The following PTPRK variants were observed in gnomAD, a reference collection of about 807,000 sequenced individuals.
The protein encoded by PTPRK is receptor-type tyrosine-protein phosphatase kappa.
Under a neutral mutation model 178.0 loss-of-function variants are expected in PTPRK, and 75 were observed. The ratio of observed to expected loss-of-function variants is 0.42; its 90% CI spans 0.35 to 0.51. PTPRK has a LOEUF of 0.51. PTPRK is among the 20% of genes least tolerant of loss of function. The probability of loss-of-function intolerance (pLI) is 0.02; values close to 1 mark genes in which losing one functional copy is unlikely to be tolerated. For missense variants in PTPRK, 1,441 were observed against 1,797.8 expected (o/e 0.80, Z 3.59); for synonymous variants, 637 against 620.6 (o/e 1.03, Z -0.39).
At chr6:128,432,038 A>C (rs535946850) in intron 1 of PTPRK, among the ~76,000 whole-genome samples, 1 of 152,320 alleles carries the variant, frequency 6.6e-6, no homozygotes, top group South Asian at 2.1e-4. Flanking sequence ...AGGAAGAGAA[A>C]AAGCACGGTT....
chr6:127,972,893 C>T lies in PTPRK; in HGVS notation c.4269+129G>A, dbSNP rs911898210. ...GATGCTCAGCAATGTATTAATTAGG[C>T]AGGAAAGTCCCCACAACGTCTCATT... On this transcript the variant is annotated intron_variant, in intron 29 of 29. Coordinates refer to ENST00000368226, the MANE Select transcript of PTPRK (RefSeq NM_002844.4). 3.9e-5 allele frequency: 34 copies of T among 873,986 alleles called. No homozygotes were observed. The East Asian group carries it at 8.6e-4, about 22-fold the overall frequency. 54.1% of individuals were successfully genotyped at this position (873,986 alleles called of 1,614,324 possible).
intron 3 of PTPRK, among the ~76,000 whole-genome samples, chr6:128,278,470 C>T (rs183457382): frequency 6.0e-4 from 91 of 152,154 alleles, no homozygotes; most frequent in Admixed American, 2.6e-3. Flanking sequence ...CTTAATATGT[C>T]TACATTTCAA....
rs546320409 is a variant in PTPRK at position 128,370,723 on chromosome 6, T to A, written c.223+26843A>T. Among the ~76,000 whole-genome samples, 8 of 152,292 alleles carry A rather than the reference T, an allele frequency of 5.3e-5. No individual in the cohort carries two copies. The South Asian group carries it at 1.7e-3, about 32-fold the overall frequency. On this transcript the variant is annotated intron_variant, in intron 2 of 29. Transcript: ENST00000368226. ...ATGTTTTAGACTTTTGTTATTACTA[T>A]TTTTAAAGTCAATTCATCTCACAAA...
intron 5 of PTPRK, chr6:128,235,434 T>C (rs542382265): frequency 3.7e-6 from 1 of 271,708 alleles, no homozygotes; most frequent in Admixed American, 5.2e-5. Flanking sequence ...TTATATGTTA[T>C]AATTTCACTT....
At chr6:128,352,731 A>G (rs770635976) in intron 2 of PTPRK, among the ~76,000 whole-genome samples, 1 of 152,206 alleles carries the variant, frequency 6.6e-6, no homozygotes, top group Non-Finnish European at 1.5e-5. Context: ...CTCAAAGGCT[A>G]TGAGTTTCCA....
intron 3 of PTPRK, among the ~76,000 whole-genome samples, chr6:128,304,836 A>G (rs981858884): frequency 1.3e-5 from 2 of 152,210 alleles, no homozygotes; most frequent in African/African-American, 4.8e-5. Context: ...AACCTAGAAG[A>G]GAGAAGAAGA....
intron 1 of PTPRK, among the ~76,000 whole-genome samples, chr6:128,434,338 T>C (rs1248089749): frequency 6.6e-6 from 1 of 152,014 alleles, no homozygotes; most frequent in African/African-American, 2.4e-5. Flanking sequence ...CCTAAATGAG[T>C]CTTTCTACTC....
chr6:127,995,371 A>G, intron 18 of PTPRK, 91 bp downstream of exon 18: 1 of 1,510,628 alleles, frequency 6.6e-7, no homozygotes, highest in South Asian at 1.1e-5. Context: ...TTATATTTTA[A>G]AAAGCTAGCA....
At chr6:128,215,143 T>C (rs1420913613) in intron 6 of PTPRK, among the ~76,000 whole-genome samples, 1 of 152,152 alleles carries the variant, frequency 6.6e-6, no homozygotes. Flanking sequence ...AAATGATAGA[T>C]ATAAAACTAT....
chr6:128,377,223 A>G (rs1445900153), intron 2 of PTPRK, among the ~76,000 whole-genome samples: 1 of 152,226 alleles, frequency 6.6e-6, no homozygotes, highest in Non-Finnish European at 1.5e-5. Flanking sequence ...TGCAGGAAAA[A>G]GGGTTTAATG....
In PTPRK at chr6:128,067,655, A is replaced by T; in HGVS notation, c.2021T>A (p.Leu674His). The part of the protein sequence containing the change: ...GGAPYYFAAE[L>H]PPGNLPEPAP... ...AGGCTCAGGTAGGTTTCCCGGGGGG[A>T]GTTCTGCAGCAAAGTAATACGGTGC... The change falls in exon 12 of 30, where the codon CTC becomes CAC. Residue 674 changes from leucine (L) to histidine (H), a missense_variant. Leu to His is a moderately conservative substitution (Grantham distance 99). Around this residue, in one of 4 missense-constraint regions of PTPRK, gnomAD observed 945 missense variants for 1,080.6 expected, o/e 0.87. Coordinates refer to ENST00000368226, the MANE Select transcript of PTPRK (RefSeq NM_002844.4). The T allele has an allele frequency of 5.6e-6, 9 of 1,613,448 alleles. No homozygotes were observed. Among genetic ancestry groups the T allele is most frequent in the Non-Finnish European group, 7.6e-6 (9 of 1,179,698 alleles).
At chr6:128,494,550 CTT>C (rs1854382013) in intron 1 of PTPRK, among the ~76,000 whole-genome samples, 1 of 152,130 alleles carries the variant, frequency 6.6e-6, no homozygotes, top group African/African-American at 2.4e-5. Context: ...AAAAAAAACA[CTT>C]TTGTTTCCCT....
At chr6:128,385,113 T>C (rs1216666073) in intron 2 of PTPRK, among the ~76,000 whole-genome samples, 1 of 148,936 alleles carries the variant, frequency 6.7e-6, no homozygotes. Context: ...ATATTAATAA[T>C]TTTAAAATAC....
intron 1 of PTPRK, among the ~76,000 whole-genome samples, chr6:128,485,621 C>T (rs1852707802): frequency 1.3e-5 from 2 of 151,970 alleles, no homozygotes; most frequent in African/African-American, 4.8e-5. Flanking sequence ...AGTTGCTGTC[C>T]CCATGAGGAA....
intron 5 of PTPRK, chr6:128,230,721 ACGTGACACACCT>A (rs1046109096): frequency 6.6e-6 from 1 of 152,190 alleles, no homozygotes; most frequent in Non-Finnish European, 1.5e-5. Flanking sequence ...AAAGTGCTTG[ACGTGACACACCT>A]AGAAACACAC....
At chr6:128,419,908 A>C (rs1024917244) in intron 1 of PTPRK, among the ~76,000 whole-genome samples, 2 of 152,206 alleles carry the variant, frequency 1.3e-5, no homozygotes, top group South Asian at 2.1e-4. Context: ...TGTGCTTCCA[A>C]ACTTCCCAAG....
In PTPRK at chr6:128,329,376, T is replaced by C. The variant is rs374742999; in HGVS notation, c.224-7066A>G. ...GGATTCTCCAGAGAAAAGGAATATA[T>C]AGATAAACACACACACACACACACA... is the stretch of plus-strand genomic sequence containing the variant. On this transcript the variant is annotated intron_variant, in intron 2 of 29. Coordinates refer to ENST00000368226, the MANE Select transcript of PTPRK (RefSeq NM_002844.4). 1.8e-4 allele frequency among the ~76,000 whole-genome samples: 16 copies of C among 90,408 alleles called. 1 individual carries two copies. The highest frequency in any genetic ancestry group is 7.0e-4 in the African/African-American group (16 of 22,774). 59.3% of individuals were successfully genotyped at this position (90,408 alleles called of 152,430 possible).
At chr6:128,041,742 AT>A (rs1777198648) in intron 13 of PTPRK, among the ~76,000 whole-genome samples, 1 of 151,694 alleles carries the variant, frequency 6.6e-6, no homozygotes, top group African/African-American at 2.4e-5. Context: ...TATATTATAT[AT>A]GTATATATAT....
chr6:128,485,638 C>T (rs1198452447), intron 1 of PTPRK, among the ~76,000 whole-genome samples: 2 of 151,998 alleles, frequency 1.3e-5, no homozygotes, highest in South Asian at 2.1e-4. Flanking sequence ...GGAATGCTAG[C>T]GAATGAAGGA....
Sources: allele counts gnomAD v4.1 joint callset (sites outside exome capture counted in the v4.1 genomes callset), GRCh38; gene constraint gnomAD v4.1.1; regional missense constraint gnomAD v4.1.1; transcripts MANE v1.5; gene names NCBI Gene and HGNC (gene_info 2026-07-23, HGNC 2026-07-21).